The following DDHD2 variants were observed in gnomAD, a reference collection of about 807,000 sequenced individuals.
The protein encoded by DDHD2 is triacylglycerol hydrolase DDHD2.
Under a neutral mutation model 91.2 loss-of-function variants are expected in DDHD2, and 62 were observed. That is an observed-to-expected ratio of 0.68 (90% CI 0.55 to 0.84). The LOEUF is 0.84. Among genes scored for constraint, DDHD2 ranks in the 40% least tolerant of loss-of-function variants. The pLI is 0.00. For missense variants in DDHD2, 740 were observed against 846.9 expected, an observed-to-expected ratio of 0.87 and a Z score of 1.57; for synonymous variants, 271 against 293.9, an observed-to-expected ratio of 0.92 and a Z score of 0.80.
At chr8:38,264,377 C>T (rs1410611277), downstream of DDHD2, 4 of 1,305,278 alleles carry the variant, frequency 3.1e-6, no homozygotes, top group African/African-American at 6.0e-5. Flanking sequence ...AGGTGATCCA[C>T]CCTCCTCAGC....
chr8:38,268,812 G>C lies in DDHD2; in HGVS notation n.88-2310G>C, dbSNP rs10102847. The C allele has an allele frequency of 1.2e-3, 1,737 of 1,456,934 alleles. 12 individuals are homozygous for C. The African/African-American group carries it at 0.018, about 15-fold the overall frequency. 90.3% of individuals were successfully genotyped at this position (1,456,934 alleles called of 1,614,324 possible). A position where few individuals can be genotyped will look rare whatever the true frequency, so the allele number is the denominator to read the frequency against. On this transcript the variant is annotated intron_variant and non_coding_transcript_variant, in intron 1 of 1. Coordinates refer to the DDHD2 transcript ENST00000526071. ...GTCCCTACAAAGGCCGTCTCGGGGT[G>C]GAAAACGCACAGGTGCCCGCGGGAA...
At chr8:38,263,388 T>C (rs140468868), downstream of DDHD2, 1 of 985,444 alleles carries the variant, frequency 1.0e-6, no homozygotes, top group African/African-American at 1.7e-5. Flanking sequence ...CTTGGCAGTG[T>C]TGGTGCATTT....
In DDHD2 at chr8:38,269,216, A is replaced by G. The variant is rs755961515; in HGVS notation, n.88-1906A>G. ...CTTCCCCATCCGGCCGCGAGCTCCG[A>G]GCGACGCTGCGCTGACGTGGCCACC... On this transcript the variant is annotated intron_variant and non_coding_transcript_variant, in intron 1 of 1. Coordinates refer to the DDHD2 transcript ENST00000526071. 1.4e-4 allele frequency: 205 copies of G among 1,494,346 alleles called. No homozygotes were observed. In the East Asian group the frequency reaches 5.7e-3, roughly 41 times the overall value. The allele number at this position is 1,494,346 out of a possible 1,614,324, so 92.6% of individuals were successfully genotyped here.
At chr8:38,272,749 C>T (rs1808513464), downstream of DDHD2, 1 of 152,168 alleles carries the variant, frequency 6.6e-6, no homozygotes, top group Non-Finnish European at 1.5e-5. Flanking sequence ...ACACTCTGAC[C>T]ACATATAGAT....
At position 38,234,381 on chromosome 8, in the gene DDHD2, C is replaced by T. The variant is rs1371416620; in HGVS notation, c.221-13C>T. ...AAATATGTACTTCTTTTCCCCTTTT[C>T]AATCCTTGAAAGGAAAAGGTTGTAA... On this transcript the variant is annotated splice_polypyrimidine_tract_variant and intron_variant, in intron 2 of 17. Transcript: ENST00000397166. The T allele has an allele frequency of 5.8e-6, 9 of 1,548,332 alleles. No homozygotes were observed. Among genetic ancestry groups the T allele is most frequent in the Admixed American group, 2.2e-5 (1 of 44,836 alleles).
downstream of DDHD2, chr8:38,264,760 T>A: frequency 6.9e-7 from 1 of 1,455,974 alleles, no homozygotes; most frequent in South Asian, 1.5e-5. Context: ...AATCTTTTTA[T>A]TCTCAATTTT....
At chr8:38,232,890 A>G (rs773201028) in intron 1 of DDHD2, 97 bp from the exon 2 acceptor site, 2 of 727,930 alleles carry the variant, frequency 2.7e-6, no homozygotes, top group Non-Finnish European at 4.5e-6. Flanking sequence ...TTGTTGTTGC[A>G]GAAATGGCTC....
At chr8:38,237,990 T>C in intron 4 of DDHD2, 99 bp from the exon 5 acceptor site, 2 of 1,228,464 alleles carry the variant, frequency 1.6e-6, no homozygotes, top group Non-Finnish European at 2.2e-6. Flanking sequence ...CAGATTTTAC[T>C]GTGTGGTTTG....
intron 17 of DDHD2, 145 bp downstream of exon 17, chr8:38,260,292 G>A (rs1806896260): frequency 2.0e-6 from 1 of 502,516 alleles, no homozygotes; most frequent in Non-Finnish European, 3.5e-6. Context: ...AGAGGGACTG[G>A]TAGAAATTCA....
chr8:38,240,224 G>T (rs188083429), intron 5 of DDHD2, 51 bp from the exon 6 acceptor site: 2 of 1,091,810 alleles, frequency 1.8e-6, no homozygotes, highest in African/African-American at 1.6e-5. Context: ...AATGATATTA[G>T]AATACATGAC....
intron 1 of DDHD2, chr8:38,268,481 G>T: frequency 1.3e-6 from 2 of 1,554,848 alleles, no homozygotes; most frequent in Non-Finnish European, 8.7e-7. Flanking sequence ...AATGTCAGAG[G>T]TTAAAAACAA....
At chr8:38,234,745 A>G (rs1243135314) in intron 3 of DDHD2, among the ~76,000 whole-genome samples, 161 bp downstream of exon 3, 1 of 151,868 alleles carries the variant, frequency 6.6e-6, no homozygotes, top group Non-Finnish European at 1.5e-5. Context: ...AGCAAGTTTC[A>G]GGATAAAGTA....
chr8:38,260,066 T>A lies in DDHD2; in HGVS notation c.2081T>A (p.Val694Asp). 1 of 1,613,588 alleles carries A rather than the reference T, an allele frequency of 6.2e-7. No individual in the cohort carries two copies. The highest frequency in any genetic ancestry group is 1.3e-5 in the African/African-American group (1 of 75,028). Residue 694 changes from valine to aspartate, a missense_variant, in exon 17 of 18, where the codon GTC (valine) becomes GAC (aspartate). Val to Asp is a radical substitution (Grantham distance 152, BLOSUM62 -3). This residue lies in a region of DDHD2 where 47 missense variants were observed against 82.6 expected (regional missense o/e 0.57). Transcript: ENST00000397166. ...YWESEDTVLL[V>D]LKEIYQTQGI... The stretch of plus-strand genomic sequence containing the variant: ...GAGTCTGAAGATACAGTATTGCTCG[T>A]CCTCAAAGAGATCTACCAAACCCAG...
intron 5 of DDHD2, among the ~76,000 whole-genome samples, chr8:38,239,700 A>C (rs368733435): frequency 2.7e-4 from 39 of 144,314 alleles, no homozygotes; most frequent in African/African-American, 9.1e-4. Flanking sequence ...CAAAAAAAAA[A>C]CCATAATTTA....
chr8:38,252,251 T>G lies in DDHD2; in HGVS notation c.1581T>G (p.Phe527Leu). 1 of 1,614,042 alleles carries G rather than the reference T, an allele frequency of 6.2e-7. No homozygotes were observed. Among genetic ancestry groups the G allele is most frequent in the East Asian group, 2.2e-5 (1 of 44,876 alleles). Residue 527 changes from phenylalanine (F) to leucine (L), a missense_variant, in exon 13 of 18, where the codon TTT becomes TTG. Transcript: ENST00000397166. ...AAAGAATTGATCCCAACTACAGATT[T>G]CCAACGTGCAAAGGTTTCTTCAATA... ...GLKRIDPNYR[F>L]PTCKGFFNIY...
Position 38,252,208 on chromosome 8 carries a change from T to A in DDHD2, c.1538T>A (p.Leu513His). 1 of 1,614,212 alleles carries A rather than the reference T, an allele frequency of 6.2e-7. No individual in the cohort carries two copies. Among genetic ancestry groups the A allele is most frequent in the Non-Finnish European group, 8.5e-7 (1 of 1,180,034 alleles). The change falls in exon 13 of 18, where the codon CTT (leucine) becomes CAT (histidine). Residue 513 changes from leucine to histidine, a missense_variant. Leu to His is a moderately conservative substitution (Grantham distance 99). This residue lies in a region of DDHD2 where 693 missense variants were observed against 764.2 expected (regional missense o/e 0.91). Transcript: ENST00000397166. ...TTTGGATCTCCCATTGGAATGTTCCTTACTGTCCGAGGACTAAAAAGAATT... is the reference window on the plus strand; with the variant it reads ...TTTGGATCTCCCATTGGAATGTTCCATACTGTCCGAGGACTAAAAAGAATT... ...FAFGSPIGMF[L>H]TVRGLKRIDP...
intron 16 of DDHD2, among the ~76,000 whole-genome samples, chr8:38,257,238 G>GTTTTTTT (rs749469533): frequency 3.1e-5 from 2 of 63,804 alleles, no homozygotes; most frequent in Non-Finnish European, 6.3e-5. Flanking sequence ...TGGCCAACAA[G>GTTTTTTT]TTTTTTTTTT....
At chr8:38,235,917 T>A (rs1385093521) in intron 3 of DDHD2, among the ~76,000 whole-genome samples, 1 of 148,508 alleles carries the variant, frequency 6.7e-6, no homozygotes, top group Admixed American at 6.7e-5. Flanking sequence ...AAATGCAAAC[T>A]GTATTATGCT....
In DDHD2 at chr8:38,251,971, G is replaced by C; in HGVS notation, c.1404G>C (p.Glu468Asp). 1 of 1,614,184 alleles carries C rather than the reference G, an allele frequency of 6.2e-7. No homozygotes were observed. Among genetic ancestry groups the C allele is most frequent in the South Asian group, 1.1e-5 (1 of 91,086 alleles). The change falls in exon 12 of 18, where the codon GAG (glutamate) becomes GAC (aspartate). Residue 468 changes from glutamate to aspartate, a missense_variant. By Grantham distance (45) the Glu-to-Asp change is conservative. Coordinates refer to ENST00000397166, the MANE Select transcript of DDHD2 (RefSeq NM_015214.3). ...GGGCAAACATCCCCAAAGAATCTGA[G>C]TTCTGCAGTAGCAGTAATACTAGAA... ...ASGANIPKESEFCSSSNTRNG... is the reference protein window; with the variant it reads ...ASGANIPKESDFCSSSNTRNG...
Sources: allele counts gnomAD v4.1 joint callset (sites outside exome capture counted in the v4.1 genomes callset), GRCh38; gene constraint gnomAD v4.1.1; regional missense constraint gnomAD v4.1.1; transcripts MANE v1.5; gene names NCBI Gene and HGNC (gene_info 2026-07-23, HGNC 2026-07-21).